Variants in TNFRSF11A observed in about 807,000 individuals in gnomAD.
TNFRSF11A encodes the protein TNF receptor superfamily member 11a, also known as tumor necrosis factor receptor superfamily member 11A.
TNFRSF11A carries 32 observed loss-of-function variants against 55.7 expected under a neutral mutation model. That is an observed-to-expected ratio of 0.57 (90% CI 0.43 to 0.77). The LOEUF (loss-of-function observed/expected upper bound fraction) is 0.77. TNFRSF11A is among the 30% of genes least tolerant of loss of function. The pLI, the probability that TNFRSF11A is intolerant of heterozygous loss-of-function variation, is 0.00. For missense variants in TNFRSF11A, 753 were observed against 809.8 expected (o/e 0.93, Z 0.85); for synonymous variants, 311 against 331.0 (o/e 0.94, Z 0.65).
chr18:62,357,467 G>A (rs1422246012), intron 4 of TNFRSF11A, among the ~76,000 whole-genome samples: 2 of 152,200 alleles, frequency 1.3e-5, no homozygotes, highest in African/African-American at 4.8e-5. Context: ...TAAGGAAGGG[G>A]TCTAAGATCC....
chr18:62,354,379 T>TGTCTCCC lies in TNFRSF11A; in HGVS notation c.284-10_284-4dup, dbSNP rs1909079250. ...CCTCCCTGGCCACTGACCTGTCTCTTGTCTCCCGCAGGCAAGGCCCTGGTG... is the reference window on the plus strand; with the variant it reads ...CCTCCCTGGCCACTGACCTGTCTCTTGTCTCCCGTCTCCCGCAGGCAAGGCCCTGGTG... On this transcript the variant is annotated splice_polypyrimidine_tract_variant and intron_variant, in intron 3 of 9. Transcript: ENST00000586569. 1.3e-6 allele frequency: 2 copies of TGTCTCCC among 1,566,922 alleles called. No individual in the cohort carries two copies. Among genetic ancestry groups the TGTCTCCC allele is most frequent in the South Asian group, 1.1e-5 (1 of 87,256 alleles).
At chr18:62,350,061 T>A (rs1743101557) in intron 3 of TNFRSF11A, 124 bp downstream of exon 3, 3 of 1,331,498 alleles carry the variant, frequency 2.3e-6, no homozygotes, top group Non-Finnish European at 3.1e-6. Flanking sequence ...AAGTTGTGAC[T>A]ACACATCCCA....
At chr18:62,363,331 G>C (rs1022137014) in intron 7 of TNFRSF11A, among the ~76,000 whole-genome samples, 4 of 149,530 alleles carry the variant, frequency 2.7e-5, no homozygotes, top group African/African-American at 4.9e-5. Flanking sequence ...GCAGATGCCA[G>C]TGTTAAGCAG....
intron 4 of TNFRSF11A, among the ~76,000 whole-genome samples, chr18:62,355,294 TGA>T (rs1255443654): frequency 2.6e-5 from 4 of 152,146 alleles, no homozygotes; most frequent in Admixed American, 2.6e-4. Flanking sequence ...ATTTTTTTTT[TGA>T]GATGGAGTTT....
intron 1 of TNFRSF11A, among the ~76,000 whole-genome samples, chr18:62,342,691 G>T (rs1348891148): frequency 6.6e-6 from 1 of 152,176 alleles, no homozygotes; most frequent in Non-Finnish European, 1.5e-5. Flanking sequence ...AGGAATGATA[G>T]CCCAGAACAT....
chr18:62,344,053 G>A (rs1026436731), intron 1 of TNFRSF11A, among the ~76,000 whole-genome samples: 4 of 152,236 alleles, frequency 2.6e-5, no homozygotes, highest in South Asian at 2.1e-4. Flanking sequence ...CCTCCAAGGC[G>A]GCTGTGATGT....
rs55847709 is a variant in TNFRSF11A, at chr18:62,366,094, A to G, written c.731-614A>G. 6.4e-3 allele frequency among the ~76,000 whole-genome samples: 982 copies of G among 152,338 alleles called. 9 individuals are homozygous for G. The highest frequency in any genetic ancestry group is 0.023 in the African/African-American group (945 of 41,560). On this transcript the variant is annotated intron_variant, in intron 7 of 9. Coordinates refer to ENST00000586569, the MANE Select transcript of TNFRSF11A (RefSeq NM_003839.4). ...TGGCCTCCCAAAGTGCTGGCATTAC[A>G]GGTGTGAGCCACCGCGCCTGGCCCT...
Position 62,391,183 on chromosome 18 carries a change from T to G in TNFRSF11A, c.*6149T>G, listed in dbSNP as rs1911978129. On this transcript the variant is annotated 3_prime_UTR_variant, in exon 10 of 10. Coordinates refer to ENST00000586569, the MANE Select transcript of TNFRSF11A (RefSeq NM_003839.4). ...ATCGGTGGGTACACCAGTAGTTCCA[T>G]TTTTTTTCTGAGTAGTAGTCCATTG... The G allele has an allele frequency of 6.6e-6, 1 of 152,142 alleles. No individual in the cohort carries two copies. Among genetic ancestry groups the G allele is most frequent in the African/African-American group, 2.4e-5 (1 of 41,400 alleles). The allele number at this position is 152,142 out of a possible 1,614,324, so 9.4% of individuals were successfully genotyped here.
intron 4 of TNFRSF11A, among the ~76,000 whole-genome samples, 160 bp downstream of exon 4, chr18:62,354,694 C>A (rs967961419): frequency 3.3e-5 from 5 of 152,186 alleles, no homozygotes; most frequent in Non-Finnish European, 7.3e-5. Context: ...CCACGAGATA[C>A]AGGCCCAGGC....
chr18:62,361,566 G>T (rs1019042504), intron 6 of TNFRSF11A, 114 bp from the exon 7 acceptor site: 2 of 1,023,392 alleles, frequency 2.0e-6, no homozygotes, highest in Admixed American at 3.4e-5. Flanking sequence ...TGTCACTTCT[G>T]CTATCCCAGA....
intron 1 of TNFRSF11A, among the ~76,000 whole-genome samples, chr18:62,341,799 A>T (rs2046313274): frequency 7.2e-6 from 1 of 139,132 alleles, no homozygotes; most frequent in Non-Finnish European, 1.5e-5. Flanking sequence ...ATTAATTAGC[A>T]CTATTGTACA....
chr18:62,336,201 G>C (rs2145251836), intron 1 of TNFRSF11A: 1 of 152,346 alleles, frequency 6.6e-6, no homozygotes, highest in South Asian at 2.1e-4. Context: ...AAAATCTCTA[G>C]CCTGCTCCTC....
chr18:62,375,195 C>T (rs1012122551), intron 9 of TNFRSF11A, among the ~76,000 whole-genome samples: 8 of 151,980 alleles, frequency 5.3e-5, no homozygotes, highest in African/African-American at 1.9e-4. Flanking sequence ...TAGTCCCAGC[C>T]ACTCAGGAGG....
Position 62,367,788 on chromosome 18 carries a change from CTTT to C in TNFRSF11A, c.784-892_784-890del, listed in dbSNP as rs67721371. On this transcript the variant is annotated intron_variant, in intron 8 of 9. Transcript: ENST00000586569. ...GATCTTTCTTTCTTTTCTTCTTCTT[CTTT>C]TTTTTTTTTTTTTTTTTTTTGAGAC... Among the ~76,000 whole-genome samples, 9 of 78,682 alleles carry C rather than the reference CTTT, an allele frequency of 1.1e-4. No individual in the cohort carries two copies. The South Asian group carries it at 2.6e-3, about 23-fold the overall frequency. 51.6% of individuals were successfully genotyped at this position (78,682 alleles called of 152,430 possible). A position where few individuals can be genotyped will look rare whatever the true frequency, so the allele number is the denominator to read the frequency against.
At chr18:62,356,866 T>A (rs924695912) in intron 4 of TNFRSF11A, among the ~76,000 whole-genome samples, 4 of 152,216 alleles carry the variant, frequency 2.6e-5, no homozygotes, top group Non-Finnish European at 4.4e-5. Flanking sequence ...TGCAGGATGC[T>A]TCTGGCAGGT....
At chr18:62,357,553 T>G (rs571363259) in intron 4 of TNFRSF11A, among the ~76,000 whole-genome samples, 1 of 152,370 alleles carries the variant, frequency 6.6e-6, no homozygotes, top group African/African-American at 2.4e-5. Flanking sequence ...ATTGTTGGAC[T>G]GCTTTCATGC....
chr18:62,345,034 G>A (rs2046363219), intron 1 of TNFRSF11A, among the ~76,000 whole-genome samples: 2 of 152,334 alleles, frequency 1.3e-5, no homozygotes, highest in East Asian at 3.9e-4. Context: ...CAATCCTCAG[G>A]TACCTGGCAA....
chr18:62,348,306 T>C, intron 2 of TNFRSF11A, 57 bp downstream of exon 2: 1 of 1,494,982 alleles, frequency 6.7e-7, no homozygotes, highest in Non-Finnish European at 9.3e-7. Flanking sequence ...GAGGCTTTCA[T>C]TATTTTTTCT....
intron 1 of TNFRSF11A, among the ~76,000 whole-genome samples, chr18:62,330,633 G>A (rs2046138149): frequency 6.6e-6 from 1 of 152,124 alleles, no homozygotes; most frequent in African/African-American, 2.4e-5. Flanking sequence ...GCCGGAGGGG[G>A]CCAGTAAGGA....
Sources: allele counts gnomAD v4.1 joint callset (sites outside exome capture counted in the v4.1 genomes callset), GRCh38; gene constraint gnomAD v4.1.1; transcripts MANE v1.5; gene names NCBI Gene and HGNC (gene_info 2026-07-23, HGNC 2026-07-21).